Variants in MBP observed in about 807,000 individuals in gnomAD.
MBP encodes Golli-MBP.
In MBP, 16 loss-of-function variants were observed where a neutral mutation model predicts 35.8. The ratio of observed to expected loss-of-function variants is 0.45; its 90% CI spans 0.30 to 0.68. The LOEUF (loss-of-function observed/expected upper bound fraction) is 0.68, where lower values mean the gene tolerates loss of function less well. Ranked by LOEUF, MBP falls within the 30% of genes least tolerant of loss-of-function variation. The probability of loss-of-function intolerance (pLI) is 0.08; values close to 1 mark genes in which losing one functional copy is unlikely to be tolerated. For missense variants in MBP, 380 were observed against 404.7 expected, an observed-to-expected ratio of 0.94 and a Z score of 0.52; for synonymous variants, 143 against 159.6, an observed-to-expected ratio of 0.90 and a Z score of 0.78.
intron 1 of MBP, among the ~76,000 whole-genome samples, chr18:77,124,765 G>A (rs1008918458): frequency 1.1e-4 from 17 of 152,180 alleles, no homozygotes; most frequent in African/African-American, 3.9e-4. Flanking sequence ...ACAGGAAGTG[G>A]GGCCCTGGTT....
At chr18:77,025,520 G>A (rs991328607) in intron 3 of MBP, among the ~76,000 whole-genome samples, 1 of 152,006 alleles carries the variant, frequency 6.6e-6, no homozygotes, top group Admixed American at 6.6e-5. Flanking sequence ...ACACCCACCC[G>A]ACAGTCTGTC....
At position 77,014,583 on chromosome 18, in the gene MBP, A is replaced by G. The variant is rs949625940; in HGVS notation, c.576+2249T>C. The G allele has an allele frequency of 1.6e-5, 16 of 985,252 alleles. No homozygotes were observed. In the African/African-American group the frequency reaches 2.8e-4, roughly 17 times the overall value. The allele number at this position is 985,252 out of a possible 1,614,324, so 61.0% of individuals were successfully genotyped here. Reference sequence around the variant, plus strand: ...AACAGAACAACAAATAAAAATAAAAACAAAACCAAAAATTCCTCCATGGCA... The same window carrying G: ...AACAGAACAACAAATAAAAATAAAAGCAAAACCAAAAATTCCTCCATGGCA... On this transcript the variant is annotated intron_variant, in intron 4 of 8. Coordinates refer to ENST00000355994, the MANE Select transcript of MBP (RefSeq NM_001025101.2).
intron 2 of MBP, among the ~76,000 whole-genome samples, chr18:77,103,188 A>G (rs1976111565): frequency 6.6e-6 from 1 of 152,244 alleles, no homozygotes; most frequent in Non-Finnish European, 1.5e-5. Flanking sequence ...TGTGGCTGAC[A>G]TAGAAATTAA....
At chr18:77,041,168 C>T (rs1473349583) in intron 3 of MBP, among the ~76,000 whole-genome samples, 1 of 152,184 alleles carries the variant, frequency 6.6e-6, no homozygotes, top group Non-Finnish European at 1.5e-5. Context: ...CCAAGAGACA[C>T]ATGAAAAAAT....
At chr18:77,033,757 C>CCCAT (rs145059208) in intron 3 of MBP, among the ~76,000 whole-genome samples, 204 of 120,568 alleles carry the variant, frequency 1.7e-3, no homozygotes, top group African/African-American at 4.4e-3. Context: ...CATCAATCCA[C>CCCAT]CCATCCATCC....
At chr18:76,992,004 G>A (rs897358081) in intron 4 of MBP, among the ~76,000 whole-genome samples, 11 of 152,234 alleles carry the variant, frequency 7.2e-5, no homozygotes, top group Non-Finnish European at 1.6e-4. Context: ...TGCAGAGTGT[G>A]CTGCGTTTCG....
In MBP at chr18:77,096,218, T is replaced by C. The variant is rs114479807; in HGVS notation, c.51+8993A>G. The stretch of plus-strand genomic sequence containing the variant: ...GCATTTTTCCCATCAAAGTGAAAGA[T>C]TCTATTTACATGTTGATGGAAAGAG... On this transcript the variant is annotated intron_variant, in intron 2 of 8. Transcript: ENST00000355994. 4.3e-3 allele frequency among the ~76,000 whole-genome samples: 653 copies of C among 152,380 alleles called. 4 individuals are homozygous for C. Among genetic ancestry groups the C allele is most frequent in the Middle Eastern group, 0.017 (5 of 294 alleles).
chr18:76,995,209 C>T (rs1261716289), intron 4 of MBP, among the ~76,000 whole-genome samples: 1 of 152,158 alleles, frequency 6.6e-6, no homozygotes, highest in African/African-American at 2.4e-5. Flanking sequence ...TATAGAGAGA[C>T]ATACTATGTT....
At chr18:77,002,573 C>T (rs918738848) in intron 4 of MBP, among the ~76,000 whole-genome samples, 3 of 152,202 alleles carry the variant, frequency 2.0e-5, no homozygotes, top group African/African-American at 7.2e-5. Context: ...TTTTAAAACA[C>T]GAGGTGTGAT....
intron 4 of MBP, among the ~76,000 whole-genome samples, chr18:77,002,668 G>A (rs987402022): frequency 6.6e-6 from 1 of 152,202 alleles, no homozygotes; most frequent in African/African-American, 2.4e-5. Flanking sequence ...AGAGGTTCAG[G>A]GAGCTGCTCG....
At chr18:77,054,153 T>C (rs1324453823) in intron 3 of MBP, among the ~76,000 whole-genome samples, 3 of 152,090 alleles carry the variant, frequency 2.0e-5, no homozygotes, top group Non-Finnish European at 4.4e-5. Flanking sequence ...GCCACAGGAC[T>C]CTCCCAGGCA....
At chr18:77,095,863 G>A (rs1314317489) in intron 2 of MBP, among the ~76,000 whole-genome samples, 1 of 152,246 alleles carries the variant, frequency 6.6e-6, no homozygotes, top group African/African-American at 2.4e-5. Flanking sequence ...CACCCGCCAT[G>A]TGCACGCACC....
intron 1 of MBP, among the ~76,000 whole-genome samples, chr18:77,110,724 G>A (rs1038709371): frequency 6.6e-6 from 1 of 152,060 alleles, no homozygotes. Context: ...CACTTCCCTA[G>A]GCATCAGATA....
At position 77,029,333 on chromosome 18, in the gene MBP, G is replaced by A. The variant is rs1249774726; in HGVS notation, c.140-12065C>T. On this transcript the variant is annotated intron_variant, in intron 3 of 8. Transcript: ENST00000355994. Reference sequence around the variant, plus strand: ...GGCTGAGGCAGGAGAATCAGGCAGGGGGGTTGCAGTGAGCCGAGATGGCAG... The same window carrying A: ...GGCTGAGGCAGGAGAATCAGGCAGGAGGGTTGCAGTGAGCCGAGATGGCAG... 2.7e-5 allele frequency among the ~76,000 whole-genome samples: 4 copies of A among 149,970 alleles called. No homozygotes were observed. The East Asian group carries it at 7.9e-4, about 30-fold the overall frequency.
chr18:77,127,837 C>T (rs1362510583), intron 1 of MBP: 3 of 151,786 alleles, frequency 2.0e-5, no homozygotes, highest in African/African-American at 7.3e-5. Context: ...TATCACTACA[C>T]ACTTATTAGA....
intron 1 of MBP, chr18:77,115,467 T>C (rs1789090): frequency 0.27 from 40,733 of 152,186 alleles, 6,020 homozygotes; most frequent in South Asian, 0.38. Flanking sequence ...GAGTCCATGA[T>C]AGGAAAGATG....
Position 77,017,134 on chromosome 18 carries a change from T to A in MBP, c.274A>T (p.Ile92Phe). ...PADPGSRPHLIRLFSRDAPGR... is the reference protein window; with the variant it reads ...PADPGSRPHLFRLFSRDAPGR... ...GGGGCATCTCGGGAAAAGAGGCGGA[T>A]CAAGTGGGGGCGGCTCCCTGGGTCA... Residue 92 changes from isoleucine to phenylalanine, a missense_variant, in exon 4 of 9, where the codon ATC becomes TTC. Coordinates refer to ENST00000355994, the MANE Select transcript of MBP (RefSeq NM_001025101.2). 2 of 1,579,302 alleles carry A rather than the reference T, an allele frequency of 1.3e-6. No individual in the cohort carries two copies. The highest frequency in any genetic ancestry group is 1.7e-6 in the Non-Finnish European group (2 of 1,159,838).
chr18:77,037,641 T>C (rs1162615963), intron 3 of MBP, among the ~76,000 whole-genome samples: 2 of 152,224 alleles, frequency 1.3e-5, no homozygotes, highest in Non-Finnish European at 2.9e-5. Flanking sequence ...GAGCAGGTAA[T>C]TAAAACTTAG....
intron 1 of MBP, among the ~76,000 whole-genome samples, chr18:77,123,364 CA>C (rs1976947031): frequency 6.6e-6 from 1 of 152,172 alleles, no homozygotes; most frequent in Non-Finnish European, 1.5e-5. Context: ...AATAAACTGT[CA>C]ACAAAAAGCT....
Sources: gnomAD v4.1 joint callset for allele counts (sites outside exome capture counted in the v4.1 genomes callset) on GRCh38, gnomAD v4.1.1 for gene constraint, MANE v1.5 for transcripts, NCBI Gene and HGNC (gene_info 2026-07-23, HGNC 2026-07-21) for gene names.